The following TMEM132C variants were observed in gnomAD, a reference collection of about 807,000 sequenced individuals.
TMEM132C encodes protein phosphatase 1, regulatory subunit 152.
TMEM132C carries 29 observed loss-of-function variants against 61.4 expected under a neutral mutation model. That is an observed-to-expected ratio of 0.47 (90% confidence interval 0.35 to 0.64). The LOEUF is 0.64. Among genes scored for constraint, TMEM132C ranks in the 30% least tolerant of loss-of-function variants. TMEM132C has a pLI of 0.00. For synonymous variants in TMEM132C, 656 were observed against 633.1 expected (o/e 1.04, Z -0.54); for missense variants, 1,408 against 1,476.9 (o/e 0.95, Z 0.76).
At chr12:128,670,171 G>A (rs561999248) in intron 5 of TMEM132C, among the ~76,000 whole-genome samples, 47,405 of 152,012 alleles carry the variant, frequency 0.31, 7,793 homozygotes, top group African/African-American at 0.43. Flanking sequence ...TTAGCTGGGT[G>A]TGATGGTGCA....
chr12:128,648,159 G>GGAGC (rs1954228928), intron 4 of TMEM132C, among the ~76,000 whole-genome samples: 3 of 145,876 alleles, frequency 2.1e-5, no homozygotes, highest in Admixed American at 1.4e-4. Flanking sequence ...TTTACCAGAT[G>GGAGC]CCATCAACGT....
At chr12:128,665,162 TACAC>T (rs923176294) in intron 4 of TMEM132C, among the ~76,000 whole-genome samples, 6 of 98,642 alleles carry the variant, frequency 6.1e-5, no homozygotes, top group African/African-American at 1.2e-4. Context: ...CACTCACACA[TACAC>T]AAACAGGCAC....
At chr12:128,428,242 T>TC (rs905231830) in intron 2 of TMEM132C, among the ~76,000 whole-genome samples, 2 of 46,682 alleles carry the variant, frequency 4.3e-5, no homozygotes, top group Non-Finnish European at 1.3e-4. Context: ...GAATTTTTTT[T>TC]CCCTATAAAA....
Position 128,705,401 on chromosome 12 carries a change from C to A in TMEM132C, c.2433C>A (p.Asp811Glu), listed in dbSNP as rs1954830301. Residue 811 changes from aspartate to glutamate, a missense_variant, in exon 9 of 9, where the codon GAC (aspartate) becomes GAA (glutamate). By Grantham distance (45) the Asp-to-Glu change is conservative. Transcript: ENST00000435159. ...QNDADSSPGG[D>E]YEEDEIKNHA... ...ATGCTGACTCCAGCCCCGGCGGGGA[C>A]TATGAGGAAGATGAGATCAAGAACC... 1.3e-6 allele frequency: 2 copies of A among 1,550,966 alleles called. No homozygotes were observed. The highest frequency in any genetic ancestry group is 1.7e-6 in the Non-Finnish European group (2 of 1,147,000).
At chr12:128,363,492 G>A (rs1372259455) in intron 1 of TMEM132C, among the ~76,000 whole-genome samples, 1 of 152,156 alleles carries the variant, frequency 6.6e-6, no homozygotes, top group African/African-American at 2.4e-5. Context: ...AACAGAGTCA[G>A]TGTGGGTGCA....
In TMEM132C at chr12:128,694,039, G is replaced by T; in HGVS notation, c.1655+5G>T. ...CCCCATTGTGACCAATAAGAGGTGA[G>T]CCTCGGATGGGGAGATGCCCTAGAG... On this transcript the variant is annotated splice_donor_5th_base_variant and intron_variant, in intron 6 of 8. Coordinates refer to ENST00000435159, the MANE Select transcript of TMEM132C (RefSeq NM_001136103.3). The T allele has an allele frequency of 6.4e-7, 1 of 1,551,418 alleles. No individual in the cohort carries two copies. Among genetic ancestry groups the T allele is most frequent in the South Asian group, 1.2e-5 (1 of 84,046 alleles).
At position 128,542,859 on chromosome 12, in the gene TMEM132C, C is replaced by CAAA. The variant is rs59362697; in HGVS notation, c.975-1077_975-1075dup. Among the ~76,000 whole-genome samples the CAAA allele has an allele frequency of 9.2e-4, 75 of 81,530 alleles. 2 individuals carry two copies. The highest frequency in any genetic ancestry group is 3.2e-3 in the African/African-American group (57 of 17,966). The allele number at this position is 81,530 out of a possible 152,430, so 53.5% of individuals were successfully genotyped here. The stretch of plus-strand genomic sequence containing the variant: ...CTAGCGACAGAACAATACTTCGATG[C>CAAA]AAAAAAAAAAAAAAAAAAAAAAATG... On this transcript the variant is annotated intron_variant, in intron 2 of 8. Coordinates refer to ENST00000435159, the MANE Select transcript of TMEM132C (RefSeq NM_001136103.3).
At chr12:128,293,555 T>C (rs1362954833) in intron 1 of TMEM132C, among the ~76,000 whole-genome samples, 1 of 152,178 alleles carries the variant, frequency 6.6e-6, no homozygotes, top group Non-Finnish European at 1.5e-5. Flanking sequence ...GGATTTTTTA[T>C]TTTATTTTAT....
intron 3 of TMEM132C, among the ~76,000 whole-genome samples, chr12:128,600,233 C>T (rs912026152): frequency 6.6e-6 from 1 of 152,104 alleles, no homozygotes; most frequent in African/African-American, 2.4e-5. Flanking sequence ...CTGCCCACCT[C>T]GGCCTCCCAA....
At chr12:128,268,134 G>T (rs1870376598) in intron 1 of TMEM132C, among the ~76,000 whole-genome samples, 1 of 152,306 alleles carries the variant, frequency 6.6e-6, no homozygotes, top group South Asian at 2.1e-4. Context: ...CGCGGATGGG[G>T]AGGTGGGTGC....
At chr12:128,495,815 G>T (rs1871931460) in intron 2 of TMEM132C, among the ~76,000 whole-genome samples, 1 of 152,030 alleles carries the variant, frequency 6.6e-6, no homozygotes, top group Non-Finnish European at 1.5e-5. Flanking sequence ...TTTAATTGGA[G>T]CATTTAGCCC....
intron 1 of TMEM132C, among the ~76,000 whole-genome samples, chr12:128,348,535 T>G (rs1873243323): frequency 6.6e-6 from 1 of 152,242 alleles, no homozygotes; most frequent in African/African-American, 2.4e-5. Context: ...ATTAAATCTT[T>G]CACTATGAAG....
intron 1 of TMEM132C, among the ~76,000 whole-genome samples, chr12:128,324,291 T>C (rs1872434819): frequency 6.6e-6 from 1 of 152,178 alleles, no homozygotes; most frequent in Admixed American, 6.5e-5. Flanking sequence ...CAACATAACA[T>C]GTAAAGTATG....
chr12:128,475,862 C>T (rs1469473861), intron 2 of TMEM132C, among the ~76,000 whole-genome samples: 1 of 152,158 alleles, frequency 6.6e-6, no homozygotes, highest in East Asian at 1.9e-4. Context: ...GAAGCTGACG[C>T]CCTGCCTGCC....
At chr12:128,396,385 T>G (rs1388056877) in intron 1 of TMEM132C, among the ~76,000 whole-genome samples, 5 of 60,976 alleles carry the variant, frequency 8.2e-5, no homozygotes, top group African/African-American at 2.7e-4. Flanking sequence ...GGGCCTGTCG[T>G]GGGGGTGAGG....
intron 4 of TMEM132C, among the ~76,000 whole-genome samples, chr12:128,648,581 C>T (rs1378248858): frequency 6.8e-6 from 1 of 147,332 alleles, no homozygotes; most frequent in Non-Finnish European, 1.5e-5. Context: ...AGTCCATCAG[C>T]ACTGGATGTG....
intron 2 of TMEM132C, among the ~76,000 whole-genome samples, chr12:128,461,217 A>G (rs896485232): frequency 6.6e-6 from 1 of 152,116 alleles, no homozygotes; most frequent in South Asian, 2.1e-4. Context: ...TAAAATCTAC[A>G]TGTTCTGATT....
intron 3 of TMEM132C, among the ~76,000 whole-genome samples, chr12:128,553,901 C>A (rs531192817): frequency 4.5e-4 from 69 of 152,338 alleles, no homozygotes; most frequent in African/African-American, 1.6e-3. Flanking sequence ...GAGGGAGGGA[C>A]CCCGCGTGGT....
chr12:128,515,126 G>T (rs141062746), intron 2 of TMEM132C, among the ~76,000 whole-genome samples: 2 of 152,282 alleles, frequency 1.3e-5, no homozygotes, highest in Non-Finnish European at 2.9e-5. Context: ...GACTTCATCG[G>T]TCAGCTAACC....
Sources: gnomAD v4.1 joint callset for allele counts (sites outside exome capture counted in the v4.1 genomes callset) on GRCh38, gnomAD v4.1.1 for gene constraint, MANE v1.5 for transcripts, NCBI Gene and HGNC (gene_info 2026-07-23, HGNC 2026-07-21) for gene names.